QRICH2: variants seen among roughly 807,000 people sequenced by gnomAD.
The protein encoded by QRICH2 is glutamine rich 2, also known as glutamine-rich protein 2.
A neutral mutation model predicts 168.3 loss-of-function variants in QRICH2; 119 were observed. The ratio of observed to expected loss-of-function variants is 0.71; its 90% CI spans 0.61 to 0.82. The LOEUF (loss-of-function observed/expected upper bound fraction) is 0.82. Ranked by LOEUF, QRICH2 falls within the 40% of genes least tolerant of loss-of-function variation. QRICH2 has a pLI of 0.00. For synonymous variants in QRICH2, 894 were observed against 951.2 expected (o/e 0.94, Z 1.11); for missense variants, 2,241 against 2,491.6 (o/e 0.90, Z 2.14).
intron 12 of QRICH2, among the ~76,000 whole-genome samples, chr17:76,279,777 C>T (rs1012210390): frequency 1.3e-5 from 2 of 152,220 alleles, no homozygotes; most frequent in Non-Finnish European, 2.9e-5. Flanking sequence ...CTCTCCCTGT[C>T]CCAAAGGCCC....
Position 76,275,940 on chromosome 17 carries a change from C to T in QRICH2, c.5361G>A (p.Gly1787=), listed in dbSNP as rs545667954. The change falls in exon 18 of 19, where the codon GGG becomes GGA. Residue 1787 remains glycine (G), a synonymous_variant. Transcript: ENST00000680821. ...LPGILRKDSS[G]TSKRKSQQPR... ...GCTGCTGGGACTTGCGCTTTGAGGT[C>T]CCTGAGCCTGATGGGGGACAGGAGG... 36 of 1,607,460 alleles carry T rather than the reference C, an allele frequency of 2.2e-5. No homozygotes were observed. The South Asian group carries it at 3.8e-4, about 17-fold the overall frequency.
At position 76,280,362 on chromosome 17, in the gene QRICH2, C is replaced by T. The variant is rs1286455101; in HGVS notation, c.4551G>A (p.Leu1517=). 1.2e-6 allele frequency: 2 copies of T among 1,614,220 alleles called. No individual in the cohort carries two copies. Among genetic ancestry groups the T allele is most frequent in the South Asian group, 2.2e-5 (2 of 91,090 alleles). The change falls in exon 11 of 19, where the codon CTG becomes CTA. Residue 1517 remains leucine, a synonymous_variant. Transcript: ENST00000680821. This position sits in a 1 kb window ranked among gnomAD's most constrained non-coding sequence, Gnocchi z 7.4. ...GCTCCTGCCCGCTCATCTTGGCCAC[C>T]AGCTCCTGCATCATGTGGTTCAGCT... ...TEQLNHMMQE[L]VAKMSGQEQD...
rs1320469545 is a variant in QRICH2 at position 76,293,611 on chromosome 17, C to A, written c.1116G>T (p.Gln372His). The change falls in exon 4 of 19, where the codon CAG becomes CAT. Residue 372 changes from glutamine to histidine, a missense_variant. Transcript: ENST00000680821. ...VQQDLPLARD[Q>H]PSSVPASQSQ... Reference sequence around the variant, plus strand: ...TCTGGCTAGCGGGCACACTACTGGGCTGGTCTCTGGCCAAGGGTAAGTCCT... The same window carrying A: ...TCTGGCTAGCGGGCACACTACTGGGATGGTCTCTGGCCAAGGGTAAGTCCT... 1 of 1,614,196 alleles carries A rather than the reference C, an allele frequency of 6.2e-7. No individual in the cohort carries two copies. The highest frequency in any genetic ancestry group is 2.2e-5 in the East Asian group (1 of 44,888).
intron 3 of QRICH2, among the ~76,000 whole-genome samples, chr17:76,300,398 C>T (rs990681211): frequency 1.6e-4 from 25 of 152,122 alleles, no homozygotes; most frequent in African/African-American, 4.8e-5. Context: ...CTTCAGCCCT[C>T]GCACAGACCA....
chr17:76,285,322 C>T (rs200396262), intron 7 of QRICH2, among the ~76,000 whole-genome samples: 3 of 151,808 alleles, frequency 2.0e-5, no homozygotes, highest in East Asian at 2.0e-4. Flanking sequence ...TTAGTAGAGA[C>T]GGGGTTTCAC....
In QRICH2 at chr17:76,307,913, G is replaced by C. The variant is rs2071016407; in HGVS notation, c.86C>G (p.Ala29Gly). The part of the protein sequence containing the change: ...TPEVGAVNFT[A>G]LHTLIVAMLK... ...CATGGCCACGATGAGCGTGTGCAGG[G>C]CCGTGAAGTTGACGGCGCCCACCTC... The change falls in exon 1 of 19, where the codon GCC becomes GGC. Residue 29 changes from alanine to glycine, a missense_variant. This residue lies in a region of QRICH2 where 2,047 missense variants were observed against 2,303.8 expected (regional missense o/e 0.89). Coordinates refer to ENST00000680821, the MANE Select transcript of QRICH2 (RefSeq NM_001388453.1). The surrounding 1 kb of genome is among the most constrained non-coding windows in gnomAD (Gnocchi z 5.3). 2 of 1,241,200 alleles carry C rather than the reference G, an allele frequency of 1.6e-6. No individual in the cohort carries two copies. The highest frequency in any genetic ancestry group is 3.1e-5 in the African/African-American group (2 of 64,558). The allele number at this position is 1,241,200 out of a possible 1,614,324, so 76.9% of individuals were successfully genotyped here.
At chr17:76,310,185 C>T (rs1311192270), upstream of QRICH2, 1 of 148,736 alleles carries the variant, frequency 6.7e-6, no homozygotes, top group African/African-American at 2.6e-5. Context: ...TTAGTAGGGA[C>T]AGGGTTTCAC....
chr17:76,301,872 T>TTGTGTG (rs139933188), intron 3 of QRICH2, among the ~76,000 whole-genome samples: 17 of 136,262 alleles, frequency 1.2e-4, no homozygotes, highest in East Asian at 1.1e-3. Context: ...CTGGCTAATT[T>TTGTGTG]TGTGTGTGTG....
At chr17:76,300,748 C>T (rs930722710) in intron 3 of QRICH2, among the ~76,000 whole-genome samples, 5 of 151,556 alleles carry the variant, frequency 3.3e-5, no homozygotes, top group African/African-American at 1.2e-4. Flanking sequence ...TGGCAAAAAC[C>T]TTTCTACAAA....
At position 76,304,959 on chromosome 17, in the gene QRICH2, G is replaced by GA. The variant is rs753322781; in HGVS notation, c.535-19dup. 30 of 1,602,594 alleles carry GA rather than the reference G, an allele frequency of 1.9e-5. No individual in the cohort carries two copies. In the African/African-American group the frequency reaches 3.7e-4, roughly 20 times the overall value. The stretch of plus-strand genomic sequence containing the variant: ...AAAAGTACCTGGAAGAAGAGTTCAG[G>GA]AAAGGAGAATGACAGTGGCCCCTAC... On this transcript the variant is annotated intron_variant, in intron 1 of 18. Coordinates refer to ENST00000680821, the MANE Select transcript of QRICH2 (RefSeq NM_001388453.1).
chr17:76,301,217 A>G (rs964251460), intron 3 of QRICH2, among the ~76,000 whole-genome samples: 3 of 151,806 alleles, frequency 2.0e-5, no homozygotes, highest in East Asian at 1.9e-4. Context: ...ACTGTCTCAA[A>G]AATATTTTTT....
chr17:76,295,687 C>T (rs2070783560), intron 3 of QRICH2, among the ~76,000 whole-genome samples: 1 of 152,040 alleles, frequency 6.6e-6, no homozygotes, highest in African/African-American at 2.4e-5. Context: ...AACCCATGGA[C>T]CCAGAAACTC....
chr17:76,298,600 G>A (rs1478895772), intron 3 of QRICH2, among the ~76,000 whole-genome samples: 1 of 151,930 alleles, frequency 6.6e-6, no homozygotes, highest in Non-Finnish European at 1.5e-5. Context: ...TTAAAGGCGT[G>A]AGCAACCATG....
chr17:76,283,612 G>A (rs971478203), intron 7 of QRICH2, among the ~76,000 whole-genome samples: 1 of 152,012 alleles, frequency 6.6e-6, no homozygotes, highest in Non-Finnish European at 1.5e-5. Context: ...CGTGGCTCAC[G>A]CCTGTAATCC....
Position 76,279,029 on chromosome 17 carries a change from C to T in QRICH2, c.4916+12G>A. 1.2e-6 allele frequency: 2 copies of T among 1,604,270 alleles called. No individual in the cohort carries two copies. The highest frequency in any genetic ancestry group is 1.7e-6 in the Non-Finnish European group (2 of 1,171,844). ...CGGACCCATATGTCCCATATGCTGTCCCATAGCATACTTGCGGCTATGCTG... is the reference window on the plus strand; with the variant it reads ...CGGACCCATATGTCCCATATGCTGTTCCATAGCATACTTGCGGCTATGCTG... On this transcript the variant is annotated intron_variant, in intron 14 of 18. Coordinates refer to ENST00000680821, the MANE Select transcript of QRICH2 (RefSeq NM_001388453.1).
Position 76,292,314 on chromosome 17 carries a change from C to A in QRICH2, c.2413G>T (p.Gly805Cys), listed in dbSNP as rs192068696. The stretch of plus-strand genomic sequence containing the variant: ...TGCACCAAACCACGCTGAACTGCAC[C>A]AGGTTGCACCAAACCACGCTGAACT... ...GIVQRGLVQP[G>C]AVQRGLVQPG... The change falls in exon 4 of 19, where the codon GGT (glycine) becomes TGT (cysteine). Residue 805 changes from glycine to cysteine, a missense_variant. Around this residue, in one of 3 missense-constraint regions of QRICH2, gnomAD observed 2,047 missense variants for 2,303.8 expected, o/e 0.89. Transcript: ENST00000680821. 9.1e-6 allele frequency: 7 copies of A among 771,364 alleles called. No homozygotes were observed. Among genetic ancestry groups the A allele is most frequent in the Non-Finnish European group, 1.2e-5 (7 of 606,612 alleles). The allele number at this position is 771,364 out of a possible 1,614,324, so 47.8% of individuals were successfully genotyped here.
intron 3 of QRICH2, among the ~76,000 whole-genome samples, chr17:76,303,908 AG>A (rs1333788787): frequency 1.4e-4 from 21 of 151,696 alleles, no homozygotes; most frequent in African/African-American, 4.1e-4. Flanking sequence ...CCACCAGCAA[AG>A]GGCCCCCTAC....
At chr17:76,278,989 C>T in intron 14 of QRICH2, 52 bp downstream of exon 14, 1 of 1,479,866 alleles carries the variant, frequency 6.8e-7, no homozygotes, top group Non-Finnish European at 9.4e-7. Context: ...CCTTCCCCAT[C>T]CAGAGCCCTG....
chr17:76,286,618 A>G (rs1290983558), intron 7 of QRICH2, among the ~76,000 whole-genome samples: 1 of 152,174 alleles, frequency 6.6e-6, no homozygotes, highest in Non-Finnish European at 1.5e-5. Context: ...TATTCAATTT[A>G]AAAGGGTGAA....
Sources: gnomAD v4.1 joint callset for allele counts (sites outside exome capture counted in the v4.1 genomes callset) on GRCh38, gnomAD v4.1.1 for gene constraint, gnomAD v4.1.1 regional missense constraint, Gnocchi (gnomAD v3.1) non-coding constraint, MANE v1.5 for transcripts, NCBI Gene and HGNC (gene_info 2026-07-23, HGNC 2026-07-21) for gene names.